The following IL16 variants were observed in gnomAD, a reference collection of about 807,000 sequenced individuals.
IL16 encodes interleukin 16.
A neutral mutation model predicts 110.1 loss-of-function variants in IL16; 67 were observed. The observed-to-expected ratio is 0.61, with a 90% confidence interval of 0.50 to 0.75. The LOEUF is 0.75. IL16 is among the 30% of genes least tolerant of loss of function. IL16 has a pLI of 0.00. For missense variants in IL16, 1,545 were observed against 1,655.0 expected (o/e 0.93, Z 1.15); for synonymous variants, 689 against 662.9 (o/e 1.04, Z -0.61).
chr15:81,277,654 G>C (rs947653657), intron 6 of IL16, among the ~76,000 whole-genome samples: 5 of 152,068 alleles, frequency 3.3e-5, no homozygotes, highest in Non-Finnish European at 5.9e-5. Context: ...ATGTTGCCCA[G>C]GGTGCCCCCA....
rs547915977 is a variant in IL16, at chr15:81,299,429, G to C, written c.2103G>C (p.Arg701=). Reference sequence around the variant, plus strand: ...ACCCACTGCTTAAGAGGCAGGCTCGGATGGACTATAGCTTTGATACCACAG... The same window carrying C: ...ACCCACTGCTTAAGAGGCAGGCTCGCATGGACTATAGCTTTGATACCACAG... ...IKHPLLKRQA[R]MDYSFDTTAE... is the part of the protein sequence containing the mutation. Residue 701 remains arginine (R), a synonymous_variant, in exon 14 of 19, where the codon CGG becomes CGC. Transcript: ENST00000683961. 1.2e-6 allele frequency: 2 copies of C among 1,614,114 alleles called. No homozygotes were observed. Among genetic ancestry groups the C allele is most frequent in the East Asian group, 2.2e-5 (1 of 44,878 alleles).
At chr15:81,263,859 G>A (rs1898260235) in intron 3 of IL16, among the ~76,000 whole-genome samples, 1 of 152,188 alleles carries the variant, frequency 6.6e-6, no homozygotes, top group African/African-American at 2.4e-5. Flanking sequence ...TGGAGGCTGA[G>A]GTCATGCCTC....
chr15:81,215,861 A>G (rs1896409135), intron 1 of IL16, among the ~76,000 whole-genome samples: 1 of 152,096 alleles, frequency 6.6e-6, no homozygotes, highest in Admixed American at 6.5e-5. Context: ...AGAACATCCC[A>G]TGGCTCTGTC....
At chr15:81,243,351 T>A (rs1016661395) in intron 2 of IL16, among the ~76,000 whole-genome samples, 1 of 150,024 alleles carries the variant, frequency 6.7e-6, no homozygotes. Flanking sequence ...AATTTTTATT[T>A]TCTTAGTTTT....
chr15:81,232,067 CT>C (rs1188437602), intron 2 of IL16, among the ~76,000 whole-genome samples: 26 of 54,354 alleles, frequency 4.8e-4, no homozygotes, highest in East Asian at 1.1e-3. Flanking sequence ...TTTTTTTTTT[CT>C]TTTTTTTTTC....
At chr15:81,254,865 G>A (rs902450521) in intron 2 of IL16, among the ~76,000 whole-genome samples, 7 of 152,196 alleles carry the variant, frequency 4.6e-5, no homozygotes, top group Non-Finnish European at 1.0e-4. Context: ...TATGTAAGAT[G>A]TTCTGACATG....
At chr15:81,194,488 A>G (rs1322976647), upstream of IL16, among the ~76,000 whole-genome samples, 1 of 151,308 alleles carries the variant, frequency 6.6e-6, no homozygotes, top group Non-Finnish European at 1.5e-5. Flanking sequence ...TTAAATTAGA[A>G]TTTTTAAAAT....
rs1169735277 is a variant in IL16, at chr15:81,308,829, A to G, written c.*31A>G. 1 of 1,551,626 alleles carries G rather than the reference A, an allele frequency of 6.4e-7. No homozygotes were observed. Among genetic ancestry groups the G allele is most frequent in the African/African-American group, 1.4e-5 (1 of 73,046 alleles). The stretch of plus-strand genomic sequence containing the variant: ...ACATGCTGAAGCCAAAGCCAATAAC[A>G]CACAGCTAACACACAGCTCCCATAA... On this transcript the variant is annotated 3_prime_UTR_variant, in exon 19 of 19. Transcript: ENST00000683961.
At chr15:81,182,963 CCTGA>C in intron 1 of IL16, 2 of 997,952 alleles carry the variant, frequency 2.0e-6, no homozygotes, top group South Asian at 1.3e-5. Flanking sequence ...GTGGACCCTT[CCTGA>C]CATCCTCCCA....
chr15:81,275,360 G>C (rs1288606570), intron 6 of IL16, among the ~76,000 whole-genome samples: 15 of 89,444 alleles, frequency 1.7e-4, no homozygotes, highest in African/African-American at 9.6e-4. Flanking sequence ...CGGGGGAGGA[G>C]GGGGGGGAGG....
rs1336424797 is a variant in IL16, at chr15:81,306,479, A to T, written c.3739A>T (p.Ser1247Cys). 6.2e-7 allele frequency: 1 copy of T among 1,613,468 alleles called. No individual in the cohort carries two copies. Among genetic ancestry groups the T allele is most frequent in the Non-Finnish European group, 8.5e-7 (1 of 1,179,860 alleles). Residue 1247 changes from serine to cysteine, a missense_variant, in exon 18 of 19, where the codon AGC becomes TGC. Physicochemically the swap from Ser to Cys is moderately radical, Grantham distance 112. This residue lies in a region of IL16 where 356 missense variants were observed against 399.3 expected (regional missense o/e 0.89). Coordinates refer to ENST00000683961, the MANE Select transcript of IL16 (RefSeq NM_172217.5). ...LEKMSAGLGF[S>C]LEGGKGSLHG... ...GAAGATGTCGGCAGGGCTGGGCTTC[A>T]GCCTGGAAGGAGGGAAGGGCTCCCT...
intron 2 of IL16, among the ~76,000 whole-genome samples, chr15:81,256,658 G>C (rs988585375): frequency 2.6e-5 from 4 of 152,072 alleles, no homozygotes; most frequent in African/African-American, 9.7e-5. Flanking sequence ...CATTTTTAAA[G>C]GTGCTTAGTA....
rs142484577 is a variant in IL16, at chr15:81,288,138, T to C, written c.1332+2308T>C. Among the ~76,000 whole-genome samples the C allele has an allele frequency of 6.4e-3, 968 of 151,992 alleles. 8 individuals are homozygous for C. The highest frequency in any genetic ancestry group is 0.022 in the African/African-American group (912 of 41,436). On this transcript the variant is annotated intron_variant, in intron 10 of 18. Transcript: ENST00000683961. ...AGGGAGCCAGGCCAGAAAGGACAGG[T>C]AAGGTTTAGAGCAGCAGAAAGACGA...
At chr15:81,250,961 C>G (rs1294804058) in intron 2 of IL16, among the ~76,000 whole-genome samples, 1 of 152,146 alleles carries the variant, frequency 6.6e-6, no homozygotes, top group Non-Finnish European at 1.5e-5. Context: ...TCTTCTCTTC[C>G]CAATATCCCA....
rs566719382 is a variant in IL16 at position 81,306,100 on chromosome 15, G to A, written c.3613G>A (p.Asp1205Asn). ...GAAGCTGACTCCAGAGGCCATGCCC[G>A]ACCTCAACTCCTCCACTGACTCTGC... ...TRKLTPEAMP[D>N]LNSSTDSAAS... is the part of the protein sequence containing the mutation. Residue 1205 changes from aspartate (D) to asparagine (N), a missense_variant, in exon 17 of 19, where the codon GAC (aspartate) becomes AAC (asparagine). Asp to Asn is a conservative substitution (Grantham distance 23, BLOSUM62 1). Transcript: ENST00000683961. The A allele has an allele frequency of 2.6e-5, 42 of 1,614,012 alleles. No homozygotes were observed. In the Middle Eastern group the frequency reaches 4.9e-4, roughly 19 times the overall value.
At chr15:81,213,920 G>A (rs79693255) in intron 1 of IL16, among the ~76,000 whole-genome samples, 5,448 of 152,152 alleles carry the variant, frequency 0.036, 327 homozygotes, top group African/African-American at 0.12. Flanking sequence ...CTGTCCTCAT[G>A]TTTTGATCCT....
chr15:81,280,409 C>CAG (rs1290597499), intron 8 of IL16, among the ~76,000 whole-genome samples: 1 of 152,242 alleles, frequency 6.6e-6, no homozygotes, highest in Admixed American at 6.5e-5. Context: ...TTGGCAGAGG[C>CAG]AGAGAGACCC....
At chr15:81,249,968 A>G (rs1200510045) in intron 2 of IL16, among the ~76,000 whole-genome samples, 2 of 152,298 alleles carry the variant, frequency 1.3e-5, no homozygotes, top group African/African-American at 4.8e-5. Context: ...AATTTTTAAT[A>G]TGAATAATTT....
At chr15:81,202,365 A>C (rs1895849828) in intron 1 of IL16, among the ~76,000 whole-genome samples, 1 of 152,182 alleles carries the variant, frequency 6.6e-6, no homozygotes, top group Admixed American at 6.5e-5. Flanking sequence ...TTGTGGTTTC[A>C]TTTTAAAGAA....
Sources: allele counts gnomAD v4.1 joint callset (sites outside exome capture counted in the v4.1 genomes callset), GRCh38; gene constraint gnomAD v4.1.1; regional missense constraint gnomAD v4.1.1; transcripts MANE v1.5; gene names NCBI Gene and HGNC (gene_info 2026-07-23, HGNC 2026-07-21).